The following ROBO2 variants were observed in gnomAD, a reference collection of about 807,000 sequenced individuals.
ROBO2 encodes roundabout homolog 2.
Under a neutral mutation model 160.8 loss-of-function variants are expected in ROBO2, and 53 were observed. The ratio of observed to expected loss-of-function variants is 0.33; its 90% confidence interval spans 0.26 to 0.41. The LOEUF is 0.41. ROBO2 is among the 10% of genes least tolerant of loss of function. The pLI is 1.00. For missense variants in ROBO2, 1,577 were observed against 1,722.4 expected, an observed-to-expected ratio of 0.92 and a Z score of 1.49; for synonymous variants, 664 against 611.7, an observed-to-expected ratio of 1.09 and a Z score of -1.26.
chr3:76,005,067 A>C (rs1295315287), intron 2 of ROBO2, among the ~76,000 whole-genome samples: 1 of 152,162 alleles, frequency 6.6e-6, no homozygotes, highest in Non-Finnish European at 1.5e-5. Context: ...CCACCATGAG[A>C]TGGCACAGAA....
At chr3:76,839,720 A>C (rs776170769) in intron 2 of ROBO2, among the ~76,000 whole-genome samples, 2 of 152,188 alleles carry the variant, frequency 1.3e-5, no homozygotes, top group African/African-American at 2.4e-5. Flanking sequence ...TCTATTTTTC[A>C]AAACAGTTGG....
rs1255328387 is a variant in ROBO2 at position 76,388,902 on chromosome 3, TA to T, written c.109+451306del. 4.6e-5 allele frequency among the ~76,000 whole-genome samples: 7 copies of T among 152,278 alleles called. No individual in the cohort carries two copies. In the East Asian group the frequency reaches 1.4e-3, roughly 29 times the overall value. On this transcript the variant is annotated intron_variant, in intron 2 of 26. Transcript: ENST00000487694. ...TTTTTCTTAAACAGTGCATTTGCCT[TA>T]AAAAATCTTTTCAATCTAAAACTTT... is the stretch of plus-strand genomic sequence containing the variant.
chr3:76,568,441 G>A (rs1426919671), intron 2 of ROBO2, among the ~76,000 whole-genome samples: 4 of 149,864 alleles, frequency 2.7e-5, no homozygotes, highest in Non-Finnish European at 5.9e-5. Flanking sequence ...GGGACCACAG[G>A]CGCTGCCACC....
At chr3:77,585,526 G>C (rs1173120463) in intron 16 of ROBO2, among the ~76,000 whole-genome samples, 1 of 151,796 alleles carries the variant, frequency 6.6e-6, no homozygotes, top group Non-Finnish European at 1.5e-5. Flanking sequence ...AAGTAACCTA[G>C]AAAATAATAT....
intron 2 of ROBO2, among the ~76,000 whole-genome samples, chr3:76,144,339 A>C (rs1460282324): frequency 2.0e-5 from 3 of 152,048 alleles, no homozygotes; most frequent in Admixed American, 6.6e-5. Context: ...TATTTTAGCT[A>C]TTTATGAATT....
chr3:77,065,455 TGTC>T (rs1201376257), intron 1 of ROBO2, among the ~76,000 whole-genome samples: 10 of 152,192 alleles, frequency 6.6e-5, no homozygotes, highest in Non-Finnish European at 1.5e-4. Flanking sequence ...CCCAATTACC[TGTC>T]ATTCTTGTGA....
intron 2 of ROBO2, among the ~76,000 whole-genome samples, chr3:76,635,380 C>T (rs2090274241): frequency 6.6e-6 from 1 of 152,154 alleles, no homozygotes; most frequent in Non-Finnish European, 1.5e-5. Flanking sequence ...AGAACGCTGA[C>T]TTTTGCTTAT....
At chr3:77,297,958 A>G (rs1387642841) in intron 2 of ROBO2, among the ~76,000 whole-genome samples, 2 of 152,166 alleles carry the variant, frequency 1.3e-5, no homozygotes, top group East Asian at 3.9e-4. Flanking sequence ...ATGGGCCAAG[A>G]AGGTTCAACA....
intron 2 of ROBO2, among the ~76,000 whole-genome samples, chr3:76,221,393 G>A (rs1703956290): frequency 6.6e-6 from 1 of 151,840 alleles, no homozygotes; most frequent in Non-Finnish European, 1.5e-5. Context: ...AACTCAGGGT[G>A]ATGGTGAGCA....
rs527589116 is a variant in ROBO2 at position 76,312,352 on chromosome 3, A to G, written c.109+374750A>G. On this transcript the variant is annotated intron_variant, in intron 2 of 26. Transcript: ENST00000487694. Reference sequence around the variant, plus strand: ...TTCAAGAGAAGCATGTATATTATGAACAAGAAGTTTTAAAAATGTACCACA... The same window carrying G: ...TTCAAGAGAAGCATGTATATTATGAGCAAGAAGTTTTAAAAATGTACCACA... Among the ~76,000 whole-genome samples the G allele has an allele frequency of 1.3e-5, 2 of 152,308 alleles. 1 individual carries two copies. Among genetic ancestry groups the G allele is most frequent in the South Asian group, 4.1e-4 (2 of 4,824 alleles).
chr3:76,894,788 C>T (rs1016325887), intron 2 of ROBO2, among the ~76,000 whole-genome samples: 1 of 152,068 alleles, frequency 6.6e-6, no homozygotes, highest in African/African-American at 2.4e-5. Context: ...GTTTATCTAA[C>T]TTTAGTCACT....
intron 2 of ROBO2, among the ~76,000 whole-genome samples, chr3:76,258,005 A>G (rs147899966): frequency 1.3e-5 from 2 of 152,176 alleles, no homozygotes; most frequent in African/African-American, 2.4e-5. Flanking sequence ...TTGGAAAGTC[A>G]TATTTTCTGT....
chr3:77,522,830 G>T lies in ROBO2; in HGVS notation c.862G>T (p.Glu288Ter). The change falls in exon 6 of 26, where the codon GAA becomes TAA. Residue 288 changes from glutamate (E) to a stop codon, truncating the protein, a stop_gained. Transcript: ENST00000461745. LOFTEE classifies it high-confidence loss of function. ...AATTAAAAAGACCATGAGTACAGATGAAGGCACCTATATGTGTATTGCTGA... is the reference window on the plus strand; with the variant it reads ...AATTAAAAAGACCATGAGTACAGATTAAGGCACCTATATGTGTATTGCTGA... The T allele has an allele frequency of 6.2e-7, 1 of 1,609,696 alleles. No homozygotes were observed. Among genetic ancestry groups the T allele is most frequent in the Non-Finnish European group, 8.5e-7 (1 of 1,176,900 alleles).
At chr3:76,233,319 T>C (rs1704736118) in intron 2 of ROBO2, among the ~76,000 whole-genome samples, 1 of 152,134 alleles carries the variant, frequency 6.6e-6, no homozygotes, top group South Asian at 2.1e-4. Flanking sequence ...AATGTTTGTA[T>C]TTTTAGTAGA....
intron 6 of ROBO2, among the ~76,000 whole-genome samples, chr3:77,523,399 C>T (rs921733649): frequency 6.6e-6 from 1 of 151,288 alleles, no homozygotes; most frequent in African/African-American, 2.4e-5. Context: ...AGGAGCTCTC[C>T]AGCCTTGAGA....
chr3:76,766,181 A>G (rs1339326775), intron 2 of ROBO2, among the ~76,000 whole-genome samples: 1 of 151,628 alleles, frequency 6.6e-6, no homozygotes, highest in Non-Finnish European at 1.5e-5. Flanking sequence ...AAGACTTACT[A>G]TGGGTTCTGT....
chr3:77,323,731 GACACATCCACACAA>G (rs1204837714), intron 2 of ROBO2, among the ~76,000 whole-genome samples: 6 of 151,984 alleles, frequency 3.9e-5, no homozygotes, highest in African/African-American at 1.2e-4. Flanking sequence ...ATCACACACA[GACACATCCACACAA>G]ACACACCATA....
intron 21 of ROBO2, among the ~76,000 whole-genome samples, chr3:77,609,791 C>CATATATAT (rs34908269): frequency 9.0e-5 from 13 of 143,684 alleles, no homozygotes; most frequent in African/African-American, 3.3e-4. Context: ...TTTATATATA[C>CATATATAT]ATATATATAT....
At chr3:76,697,006 T>G (rs2092941727) in intron 2 of ROBO2, among the ~76,000 whole-genome samples, 1 of 152,170 alleles carries the variant, frequency 6.6e-6, no homozygotes, top group South Asian at 2.1e-4. Context: ...AGTATTTTTA[T>G]GTATAATTTG....
Sources: gnomAD v4.1 joint callset for allele counts (sites outside exome capture counted in the v4.1 genomes callset) on GRCh38, gnomAD v4.1.1 for gene constraint, MANE v1.5 for transcripts, NCBI Gene and HGNC (gene_info 2026-07-23, HGNC 2026-07-21) for gene names.